CWH43: variants seen among roughly 807,000 people sequenced by gnomAD.
The protein encoded by CWH43 is PGAP2-interacting protein.
Under a neutral mutation model 85.7 loss-of-function variants are expected in CWH43, and 91 were observed. That is an observed-to-expected ratio of 1.06 (90% CI 0.90 to 1.26). The LOEUF is 1.26. CWH43 is among the 50% of genes most tolerant of loss of function. The pLI, the probability that CWH43 is intolerant of heterozygous loss-of-function variation, is 0.00. For synonymous variants in CWH43, 323 were observed against 293.6 expected (o/e 1.10, Z -1.02); for missense variants, 869 against 839.2 (o/e 1.04, Z -0.44).
intron 9 of CWH43, among the ~76,000 whole-genome samples, chr4:49,025,722 C>T (rs1342435870): frequency 6.6e-6 from 1 of 152,138 alleles, no homozygotes; most frequent in Admixed American, 6.5e-5. Flanking sequence ...AATCTCTTGG[C>T]CATGGATACC....
chr4:48,993,996 A>G (rs1782735156), intron 4 of CWH43, among the ~76,000 whole-genome samples: 1 of 152,088 alleles, frequency 6.6e-6, no homozygotes, highest in Non-Finnish European at 1.5e-5. Flanking sequence ...TCCTGACCTC[A>G]GGTGATCCAC....
intron 14 of CWH43, 117 bp from the exon 15 acceptor site, chr4:49,050,577 T>C: frequency 2.8e-6 from 2 of 702,236 alleles, no homozygotes; most frequent in Non-Finnish European, 4.6e-6. Context: ...AGTTGTGATA[T>C]ACAGAGTAGA....
intron 5 of CWH43, among the ~76,000 whole-genome samples, chr4:48,997,485 T>C (rs1017715397): frequency 6.6e-5 from 10 of 152,196 alleles, no homozygotes; most frequent in Admixed American, 1.3e-4. Flanking sequence ...TGGCACATAG[T>C]GGGCACTCAA....
chr4:49,055,947 G>A (rs1234911382), intron 15 of CWH43, among the ~76,000 whole-genome samples: 1 of 148,650 alleles, frequency 6.7e-6, no homozygotes, highest in Non-Finnish European at 1.5e-5. Context: ...TAAGTTTTAG[G>A]GTACATGTGC....
chr4:49,003,534 C>T lies in CWH43; in HGVS notation c.803-201C>T, dbSNP rs554065692. 5.5e-6 allele frequency: 3 copies of T among 544,886 alleles called. No individual in the cohort carries two copies. In the African/African-American group the frequency reaches 5.6e-5, roughly 10 times the overall value. The allele number at this position is 544,886 out of a possible 1,614,324, so 33.8% of individuals were successfully genotyped here. A position where few individuals can be genotyped will look rare whatever the true frequency, so the allele number is the denominator to read the frequency against. ...AGTGAACTGAGATTTACTAGATCCA[C>T]ATTCTACCTCCAGTTGAGACAATAA... On this transcript the variant is annotated intron_variant, in intron 6 of 15. Transcript: ENST00000226432.
At position 49,061,143 on chromosome 4, in the gene CWH43, T is replaced by G. The variant is rs555867571; in HGVS notation, c.2022-669T>G. Among the ~76,000 whole-genome samples the G allele has an allele frequency of 4.8e-3, 725 of 152,294 alleles. 9 individuals carry two copies. Among genetic ancestry groups the G allele is most frequent in the African/African-American group, 0.016 (666 of 41,568 alleles). ...AATTCTTATCTGTTTGAGCATAACC[T>G]TGATTACTTCCTTAGGGTCTAGCTC... On this transcript the variant is annotated intron_variant, in intron 15 of 15. Coordinates refer to ENST00000226432, the MANE Select transcript of CWH43 (RefSeq NM_025087.3).
At chr4:49,007,477 T>C (rs1783197066) in intron 8 of CWH43, 151 bp downstream of exon 8, 1 of 1,029,438 alleles carries the variant, frequency 9.7e-7, no homozygotes, top group Admixed American at 3.5e-5. Flanking sequence ...TCTTCTCTAG[T>C]TTTTTTAAAA....
rs557822603 is a variant in CWH43, at chr4:49,017,465, C to T, written c.1266+137C>T. On this transcript the variant is annotated intron_variant, in intron 9 of 15. Coordinates refer to ENST00000226432, the MANE Select transcript of CWH43 (RefSeq NM_025087.3). ...GCCCTATCTCCTTAACCCTTATGTG[C>T]CAGACTGATAAGATAGTGGGATTAT... is the stretch of plus-strand genomic sequence containing the variant. The T allele has an allele frequency of 4.3e-5, 24 of 560,324 alleles. 1 individual carries two copies. The highest frequency in any genetic ancestry group is 3.3e-4 in the African/African-American group (17 of 52,246). The allele number at this position is 560,324 out of a possible 1,614,324, so 34.7% of individuals were successfully genotyped here.
chr4:48,991,630 G>T (rs1466279565), intron 3 of CWH43, 56 bp downstream of exon 3: 1 of 1,581,544 alleles, frequency 6.3e-7, no homozygotes, highest in Non-Finnish European at 8.6e-7. Context: ...GTTACCAAAG[G>T]GAAACCTGGG....
chr4:48,994,081 A>G (rs544883273), intron 4 of CWH43, among the ~76,000 whole-genome samples: 1 of 152,122 alleles, frequency 6.6e-6, no homozygotes, highest in Non-Finnish European at 1.5e-5. Flanking sequence ...AATTTGTAAA[A>G]TAGGATTAAT....
chr4:49,034,282 T>A (rs192965295), intron 12 of CWH43, among the ~76,000 whole-genome samples: 17 of 152,348 alleles, frequency 1.1e-4, no homozygotes, highest in African/African-American at 3.6e-4. Context: ...ATTGGGTTTA[T>A]CTTTAAAAAA....
At chr4:48,997,491 C>T (rs1198210042) in intron 5 of CWH43, among the ~76,000 whole-genome samples, 2 of 152,132 alleles carry the variant, frequency 1.3e-5, no homozygotes, top group Non-Finnish European at 2.9e-5. Flanking sequence ...ATAGTGGGCA[C>T]TCAAAAATAT....
Position 49,003,774 on chromosome 4 carries a change from G to T in CWH43, c.842G>T (p.Trp281Leu). The T allele has an allele frequency of 6.2e-7, 1 of 1,613,912 alleles. No individual in the cohort carries two copies. Among genetic ancestry groups the T allele is most frequent in the Non-Finnish European group, 8.5e-7 (1 of 1,179,876 alleles). ...GCGGGGCTCCTTTACCTGCACACATGGGCAGCTGCTGTGTCTGGCTGTGTC... is the reference window on the plus strand; with the variant it reads ...GCGGGGCTCCTTTACCTGCACACATTGGCAGCTGCTGTGTCTGGCTGTGTC... ...SAAGLLYLHT[W>L]AAAVSGCVFA... Residue 281 changes from tryptophan to leucine, a missense_variant, in exon 7 of 16, where the codon TGG (tryptophan) becomes TTG (leucine). Coordinates refer to ENST00000226432, the MANE Select transcript of CWH43 (RefSeq NM_025087.3).
At chr4:49,049,089 AC>A (rs1015780410) in intron 14 of CWH43, among the ~76,000 whole-genome samples, 5 of 152,180 alleles carry the variant, frequency 3.3e-5, no homozygotes, top group African/African-American at 7.2e-5. Flanking sequence ...ATGGGTCAGA[AC>A]TTTGATCTTA....
chr4:49,055,078 T>G (rs1464955884), intron 15 of CWH43, among the ~76,000 whole-genome samples: 2 of 152,194 alleles, frequency 1.3e-5, no homozygotes, highest in Non-Finnish European at 2.9e-5. Context: ...CATCCTTCTC[T>G]TGATCCTGAT....
intron 9 of CWH43, among the ~76,000 whole-genome samples, chr4:49,027,293 G>A (rs1783946617): frequency 6.6e-6 from 1 of 152,226 alleles, no homozygotes; most frequent in African/African-American, 2.4e-5. Flanking sequence ...TGGGTGAGGA[G>A]AAGGAAGGAA....
Position 48,992,071 on chromosome 4 carries a change from A to G in CWH43, c.492A>G (p.Thr164=). 6.2e-7 allele frequency: 1 copy of G among 1,613,968 alleles called. No individual in the cohort carries two copies. Among genetic ancestry groups the G allele is most frequent in the Non-Finnish European group, 8.5e-7 (1 of 1,179,900 alleles). Residue 164 remains threonine, a synonymous_variant, in exon 4 of 16, where the codon ACA becomes ACG. Coordinates refer to ENST00000226432, the MANE Select transcript of CWH43 (RefSeq NM_025087.3). The surrounding 1 kb of genome is among the most constrained non-coding windows in gnomAD (Gnocchi z 4.3). ...KVILTLSAIA[T]LDRIGTDGDC... is the part of the protein sequence containing the mutation. ...TACTGACATTAAGTGCCATAGCCAC[A>G]CTTGATCGTATTGGCACAGGTAATA...
intron 15 of CWH43, among the ~76,000 whole-genome samples, chr4:49,059,646 G>C (rs1453699591): frequency 6.6e-6 from 1 of 152,176 alleles, no homozygotes; most frequent in Non-Finnish European, 1.5e-5. Flanking sequence ...GGGCTATCTA[G>C]CTGGGCTCAT....
chr4:49,044,451 G>A (rs1462649535), intron 13 of CWH43, among the ~76,000 whole-genome samples: 2 of 152,142 alleles, frequency 1.3e-5, no homozygotes, highest in Non-Finnish European at 2.9e-5. Flanking sequence ...ACCAATGAAG[G>A]TGCAGTCAGT....
Sources: gnomAD v4.1 joint callset for allele counts (sites outside exome capture counted in the v4.1 genomes callset) on GRCh38, gnomAD v4.1.1 for gene constraint, Gnocchi (gnomAD v3.1) non-coding constraint, MANE v1.5 for transcripts, NCBI Gene and HGNC (gene_info 2026-07-23, HGNC 2026-07-21) for gene names.